SAMD12: variants seen among roughly 807,000 people sequenced by gnomAD.
SAMD12 encodes the protein sterile alpha motif domain containing 12, also known as sterile alpha motif domain-containing protein 12.
Under a neutral mutation model 15.0 loss-of-function variants are expected in SAMD12, and 9 were observed. The ratio of observed to expected loss-of-function variants is 0.60; its 90% confidence interval spans 0.36 to 1.05. SAMD12 has a LOEUF of 1.05. SAMD12 is among the 50% of genes least tolerant of loss of function. The pLI is 0.01. For missense variants in SAMD12, 230 were observed against 234.2 expected (o/e 0.98, Z 0.12); for synonymous variants, 86 against 90.1 (o/e 0.96, Z 0.25).
chr8:118,574,383 A>T (rs1827097763), intron 2 of SAMD12, among the ~76,000 whole-genome samples: 1 of 152,240 alleles, frequency 6.6e-6, no homozygotes, highest in Admixed American at 6.5e-5. Context: ...CTGTCAGCAT[A>T]AAAGAGTGAA....
At chr8:118,601,417 G>C (rs2131299230) in intron 1 of SAMD12, among the ~76,000 whole-genome samples, 1 of 152,190 alleles carries the variant, frequency 6.6e-6, no homozygotes, top group African/African-American at 2.4e-5. Context: ...TCCATGCCTA[G>C]ACAGTGACTC....
chr8:118,161,154 T>C, the SAMD12 span, among the ~76,000 whole-genome samples: 1 of 152,202 alleles, frequency 6.6e-6, no homozygotes, highest in African/African-American at 2.4e-5. Context: ...TAGTATTCCA[T>C]GGTGTATATG....
At position 118,360,779 on chromosome 8, in the gene SAMD12, A is replaced by G. The variant is rs533650129; in HGVS notation, c.433+18781T>C. 1.9e-3 allele frequency among the ~76,000 whole-genome samples: 291 copies of G among 152,360 alleles called. 1 individual carries two copies. The highest frequency in any genetic ancestry group is 6.8e-3 in the African/African-American group (283 of 41,582). ...CATCAGTGCCAGTTTCTACCATTCC[A>G]GTAAGAATTTCTTTAATTGCATTTG... On this transcript the variant is annotated intron_variant, in intron 4 of 4. Transcript: ENST00000409003.
At chr8:118,314,604 T>G (rs374926788) in intron 4 of SAMD12, among the ~76,000 whole-genome samples, 1 of 152,222 alleles carries the variant, frequency 6.6e-6, no homozygotes, top group Admixed American at 6.5e-5. Context: ...CTCTATAATT[T>G]TGTTATTTCA....
chr8:118,500,785 G>A (rs759394197), intron 2 of SAMD12, among the ~76,000 whole-genome samples: 13 of 152,126 alleles, frequency 8.5e-5, no homozygotes, highest in South Asian at 2.1e-4. Flanking sequence ...CAGCCTGGGC[G>A]ACAGAGGGAA....
chr8:118,260,345 C>T (rs1813048717), intron 4 of SAMD12, among the ~76,000 whole-genome samples: 1 of 151,976 alleles, frequency 6.6e-6, no homozygotes, highest in Admixed American at 6.6e-5. Flanking sequence ...AGAATAAAGC[C>T]CTCTAATACT....
the SAMD12 span, among the ~76,000 whole-genome samples, chr8:118,165,924 C>A: frequency 6.6e-6 from 1 of 152,078 alleles, no homozygotes; most frequent in East Asian, 1.9e-4. Context: ...GAAAAAGGTC[C>A]GCTTTTTTGT....
At chr8:118,603,895 G>A (rs760998372) in intron 1 of SAMD12, among the ~76,000 whole-genome samples, 1 of 152,090 alleles carries the variant, frequency 6.6e-6, no homozygotes, top group South Asian at 2.1e-4. Flanking sequence ...TTAAATTAGT[G>A]ATAAGTTTAT....
At chr8:118,249,985 T>C (rs937183191) in intron 4 of SAMD12, among the ~76,000 whole-genome samples, 3 of 151,984 alleles carry the variant, frequency 2.0e-5, no homozygotes, top group African/African-American at 7.2e-5. Context: ...CCCCCGATGT[T>C]GGGGGCGGGA....
chr8:118,539,741 C>G (rs1411426389), intron 2 of SAMD12, among the ~76,000 whole-genome samples: 1 of 152,114 alleles, frequency 6.6e-6, no homozygotes, highest in Admixed American at 6.5e-5. Context: ...CATTATACAA[C>G]TAAAACTGAA....
intron 2 of SAMD12, among the ~76,000 whole-genome samples, chr8:118,525,451 G>C (rs1218560379): frequency 6.6e-6 from 1 of 152,102 alleles, no homozygotes; most frequent in Non-Finnish European, 1.5e-5. Context: ...AGTGTCATCA[G>C]AGCAGACACT....
chr8:118,392,092 C>A (rs1820306403), intron 3 of SAMD12, among the ~76,000 whole-genome samples: 1 of 152,174 alleles, frequency 6.6e-6, no homozygotes, highest in Non-Finnish European at 1.5e-5. Flanking sequence ...ACCCTCTCTC[C>A]CCATGTTGTG....
the SAMD12 span, among the ~76,000 whole-genome samples, chr8:118,177,010 G>C: frequency 6.6e-6 from 1 of 152,192 alleles, no homozygotes; most frequent in Non-Finnish European, 1.5e-5. Context: ...GAAAGAAACA[G>C]TTACGTGGTG....
intron 2 of SAMD12, among the ~76,000 whole-genome samples, chr8:118,543,353 C>G (rs372408347): frequency 9.9e-5 from 15 of 152,266 alleles, no homozygotes; most frequent in African/African-American, 2.9e-4. Flanking sequence ...TCACTCATTC[C>G]GAGTCTCTAA....
intron 4 of SAMD12, among the ~76,000 whole-genome samples, chr8:118,315,797 G>A (rs1267639440): frequency 3.3e-5 from 5 of 152,034 alleles, no homozygotes; most frequent in South Asian, 2.1e-4. Flanking sequence ...CTGAAGAAGC[G>A]TCCACCACTG....
rs778087769 is a variant in SAMD12, at chr8:118,596,020, C to CA, written c.14-15128dup. Among the ~76,000 whole-genome samples, 277 of 152,274 alleles carry CA rather than the reference C, an allele frequency of 1.8e-3. 1 individual carries two copies. The highest frequency in any genetic ancestry group is 3.6e-3 in the Admixed American group (55 of 15,294). ...ACAAGATGTGAGCAGGGGAGTTAAACATGCTTAAGTGGTTTGATTCAGTCC... is the reference window on the plus strand; with the variant it reads ...ACAAGATGTGAGCAGGGGAGTTAAACAATGCTTAAGTGGTTTGATTCAGTCC... On this transcript the variant is annotated intron_variant, in intron 1 of 3. Transcript: ENST00000314727.
intron 2 of SAMD12, among the ~76,000 whole-genome samples, chr8:118,513,298 T>A (rs74407024): frequency 0.05 from 7,618 of 152,214 alleles, 583 homozygotes; most frequent in African/African-American, 0.17. Flanking sequence ...TAAAGATGAA[T>A]AGAGTTGAAA....
chr8:118,487,675 C>T (rs954952328), intron 2 of SAMD12, among the ~76,000 whole-genome samples: 3 of 152,210 alleles, frequency 2.0e-5, no homozygotes, highest in African/African-American at 7.2e-5. Flanking sequence ...CAAATGACCT[C>T]TTGAGTTAGG....
intron 4 of SAMD12, among the ~76,000 whole-genome samples, chr8:118,316,793 C>A (rs556676207): frequency 8.3e-4 from 125 of 151,080 alleles, no homozygotes; most frequent in African/African-American, 3.0e-3. Context: ...CTCTGTCCAC[C>A]ATGCCTGGCT....
Sources: allele counts gnomAD v4.1 joint callset (sites outside exome capture counted in the v4.1 genomes callset), GRCh38; gene constraint gnomAD v4.1.1; transcripts MANE v1.5; gene names NCBI Gene and HGNC (gene_info 2026-07-23, HGNC 2026-07-21).